TUBA1C: variants seen among roughly 807,000 people sequenced by gnomAD.
TUBA1C encodes the protein tubulin alpha-1C chain.
Under a neutral mutation model 34.9 loss-of-function variants are expected in TUBA1C, and 16 were observed. The ratio of observed to expected loss-of-function variants is 0.46; its 90% CI spans 0.31 to 0.70. The LOEUF is 0.70. Among genes scored for constraint, TUBA1C ranks in the 30% least tolerant of loss-of-function variants. The pLI is 0.05. For missense variants in TUBA1C, 329 were observed against 587.3 expected (o/e 0.56, Z 4.55); for synonymous variants, 177 against 215.9 (o/e 0.82, Z 1.58).
At position 49,273,079 on chromosome 12, in the gene TUBA1C, A is replaced by C. The variant is rs1196632910; in HGVS notation, c.1202A>C (p.Lys401Thr). Residue 401 changes from lysine to threonine, a missense_variant, in exon 4 of 4, where the codon AAG becomes ACG. This residue lies in a region of TUBA1C where 140 missense variants were observed against 289.8 expected (regional missense o/e 0.48). Coordinates refer to ENST00000301072, the MANE Select transcript of TUBA1C (RefSeq NM_032704.5). ...CACAAGTTTGACCTGATGTATGCCA[A>C]GCGTGCCTTTGTTCACTGGTACGTG... ...LDHKFDLMYA[K>T]RAFVHWYVGE... 2 of 1,614,122 alleles carry C rather than the reference A, an allele frequency of 1.2e-6. No individual in the cohort carries two copies. The highest frequency in any genetic ancestry group is 2.7e-5 in the African/African-American group (2 of 74,946).
At chr12:49,258,820 A>G (rs1044401567) in intron 1 of TUBA1C, among the ~76,000 whole-genome samples, 3 of 146,032 alleles carry the variant, frequency 2.1e-5, no homozygotes, top group Non-Finnish European at 4.5e-5. Flanking sequence ...GCAATGGCAC[A>G]CTCTCGGCTC....
intron 1 of TUBA1C, among the ~76,000 whole-genome samples, chr12:49,244,636 G>A (rs1434424772): frequency 6.6e-6 from 1 of 151,922 alleles, no homozygotes; most frequent in African/African-American, 2.4e-5. Context: ...TGATCCCAGA[G>A]AGGGGATTCT....
intron 1 of TUBA1C, among the ~76,000 whole-genome samples, chr12:49,246,545 G>A (rs954085038): frequency 2.0e-5 from 3 of 151,920 alleles, no homozygotes; most frequent in African/African-American, 7.3e-5. Context: ...TGTGGTGGCG[G>A]GCGCCTATAG....
intron 1 of TUBA1C, among the ~76,000 whole-genome samples, chr12:49,258,473 G>A (rs139918121): frequency 1.1e-4 from 16 of 152,250 alleles, no homozygotes; most frequent in Non-Finnish European, 2.1e-4. Context: ...TATTGCCCAG[G>A]CTGGAGTGAA....
intron 3 of TUBA1C, among the ~76,000 whole-genome samples, chr12:49,270,492 A>G (rs1009056013): frequency 6.6e-6 from 1 of 152,224 alleles, no homozygotes; most frequent in Non-Finnish European, 1.5e-5. Context: ...GCATGTGGGC[A>G]GCTTGTAAGT....
upstream of TUBA1C, among the ~76,000 whole-genome samples, chr12:49,262,532 C>A (rs1284884886): frequency 4.6e-5 from 7 of 150,542 alleles, no homozygotes; most frequent in African/African-American, 1.7e-4. Context: ...GTAATCGCAG[C>A]ATTTTGGGAG....
At chr12:49,263,374 C>T (rs1333156541), upstream of TUBA1C, among the ~76,000 whole-genome samples, 2 of 152,080 alleles carry the variant, frequency 1.3e-5, no homozygotes, top group Non-Finnish European at 2.9e-5. Flanking sequence ...TATTCCCTCT[C>T]CATGAGGCAG....
At chr12:49,242,408 T>C (rs539272062) in intron 1 of TUBA1C, among the ~76,000 whole-genome samples, 2 of 152,318 alleles carry the variant, frequency 1.3e-5, no homozygotes, top group African/African-American at 4.8e-5. Context: ...CCAGTCCCCA[T>C]GGCCAAACCA....
intron 1 of TUBA1C, among the ~76,000 whole-genome samples, chr12:49,246,619 G>C (rs965586839): frequency 2.6e-5 from 4 of 151,868 alleles, no homozygotes; most frequent in Non-Finnish European, 5.9e-5. Context: ...AGCTTGCAGT[G>C]AGCGGAGATC....
intron 1 of TUBA1C, chr12:49,257,861 A>ATT: frequency 5.2e-6 from 1 of 192,170 alleles, no homozygotes; most frequent in South Asian, 5.6e-5. Context: ...AAAAGTTTAC[A>ATT]ATTTTTTTTT....
intron 1 of TUBA1C, among the ~76,000 whole-genome samples, chr12:49,246,907 A>G (rs1265566948): frequency 6.6e-6 from 1 of 152,156 alleles, no homozygotes; most frequent in Admixed American, 6.6e-5. Context: ...TGGGAGGCCG[A>G]GGTGGGTGGA....
chr12:49,241,534 G>T (rs1279960907), intron 1 of TUBA1C, among the ~76,000 whole-genome samples: 1 of 152,128 alleles, frequency 6.6e-6, no homozygotes, highest in African/African-American at 2.4e-5. Context: ...TAAGGCAGTG[G>T]TCATCAGAAC....
At chr12:49,270,082 C>T (rs1239915207) in intron 3 of TUBA1C, 106 bp downstream of exon 3, 12 of 1,593,820 alleles carry the variant, frequency 7.5e-6, no homozygotes, top group Non-Finnish European at 1.0e-5. Flanking sequence ...ATTTGCATTG[C>T]AACTAAAATG....
intron 1 of TUBA1C, among the ~76,000 whole-genome samples, chr12:49,268,111 G>A (rs1015827489): frequency 6.9e-6 from 1 of 144,774 alleles, no homozygotes; most frequent in Non-Finnish European, 1.5e-5. Flanking sequence ...CACACACACA[G>A]ACACAGACAC....
intron 1 of TUBA1C, among the ~76,000 whole-genome samples, chr12:49,242,172 G>A (rs1347638624): frequency 6.6e-6 from 1 of 151,240 alleles, no homozygotes; most frequent in Non-Finnish European, 1.5e-5. Flanking sequence ...TGTATTTTTG[G>A]TAGAGATGGG....
At chr12:49,267,205 G>A (rs561392802) in intron 1 of TUBA1C, among the ~76,000 whole-genome samples, 1 of 152,358 alleles carries the variant, frequency 6.6e-6, no homozygotes, top group East Asian at 1.9e-4. Flanking sequence ...AAGAAAAATT[G>A]CGGGCGCAAA....
upstream of TUBA1C, among the ~76,000 whole-genome samples, chr12:49,260,293 G>A (rs997658564): frequency 7.2e-5 from 11 of 152,136 alleles, no homozygotes; most frequent in African/African-American, 2.7e-4. Flanking sequence ...GGGAATACAG[G>A]TCAAAGGAAC....
intron 1 of TUBA1C, among the ~76,000 whole-genome samples, chr12:49,240,813 C>T (rs532068649): frequency 6.6e-6 from 1 of 152,268 alleles, no homozygotes; most frequent in East Asian, 1.9e-4. Context: ...CCAGGCTGTT[C>T]TTGAACTCCT....
intron 1 of TUBA1C, among the ~76,000 whole-genome samples, chr12:49,232,269 A>G (rs1406140369): frequency 1.3e-5 from 2 of 152,226 alleles, no homozygotes; most frequent in Non-Finnish European, 2.9e-5. Flanking sequence ...AAATAAACCT[A>G]TAGTATTTAC....
Sources: gnomAD v4.1 joint callset for allele counts (sites outside exome capture counted in the v4.1 genomes callset) on GRCh38, gnomAD v4.1.1 for gene constraint, gnomAD v4.1.1 regional missense constraint, MANE v1.5 for transcripts, NCBI Gene and HGNC (gene_info 2026-07-23, HGNC 2026-07-21) for gene names.